Variants in FANCA observed in about 807,000 individuals in gnomAD.
The protein encoded by FANCA is FA complementation group A.
A neutral mutation model predicts 194.3 loss-of-function variants in FANCA; 236 were observed. The observed-to-expected ratio is 1.21, with a 90% confidence interval of 1.09 to 1.35. FANCA has a LOEUF of 1.35. FANCA is among the 40% of genes most tolerant of loss of function. The pLI is 0.00. For missense variants in FANCA, 2,628 were observed against 1,813.9 expected (o/e 1.45, Z -8.15); for synonymous variants, 1,014 against 715.8 (o/e 1.42, Z -6.65).
At position 89,740,004 on chromosome 16, in the gene FANCA, C is replaced by A. The variant is rs775127240; in HGVS notation, c.3924G>T (p.Leu1308Phe). ...RKISWLALFQ[L>F]TESDLRLGRL... ...CAGCGTGTTTCTTACCACTCTCTGT[C>A]AACTGAAAGAGTGCCAGCCAGGATA... Residue 1308 changes from leucine to phenylalanine, a missense_variant, in exon 39 of 43, where the codon TTG becomes TTT. Transcript: ENST00000389301. The A allele has an allele frequency of 6.2e-7, 1 of 1,614,154 alleles. No homozygotes were observed. The highest frequency in any genetic ancestry group is 2.2e-5 in the East Asian group (1 of 44,880).
rs1233053600 is a variant in FANCA, at chr16:89,791,463, A to C, written c.1299T>G (p.Val433=). The stretch of plus-strand genomic sequence containing the variant: ...GGCCCTCCAGTGCTGCCTGGCGCAC[A>C]ACCAGGAACGCAGTGACCATGCTGT... ...QLDSMVTAFL[V]VRQAALEGPS... is the part of the protein sequence containing the mutation. The change falls in exon 14 of 43, where the codon GTT becomes GTG. Residue 433 remains valine, a synonymous_variant. Coordinates refer to ENST00000389301, the MANE Select transcript of FANCA (RefSeq NM_000135.4). 1 of 1,614,178 alleles carries C rather than the reference A, an allele frequency of 6.2e-7. No homozygotes were observed. The highest frequency in any genetic ancestry group is 1.3e-5 in the African/African-American group (1 of 75,062).
intron 13 of FANCA, 125 bp downstream of exon 13, chr16:89,791,802 C>T: frequency 2.4e-6 from 3 of 1,262,034 alleles, no homozygotes; most frequent in Non-Finnish European, 3.4e-6. Flanking sequence ...ACAGGAGGCA[C>T]TGCAGGTTCC....
intron 1 of FANCA, 85 bp downstream of exon 1, chr16:89,816,452 G>C: frequency 8.2e-7 from 1 of 1,225,984 alleles, no homozygotes; most frequent in Non-Finnish European, 1.1e-6. Context: ...ACCGGCGGAG[G>C]CTCTGGCGGG....
chr16:89,815,460 A>G (rs1384963226), intron 2 of FANCA, among the ~76,000 whole-genome samples: 1 of 145,990 alleles, frequency 6.8e-6, no homozygotes, highest in African/African-American at 2.6e-5. Flanking sequence ...GGTTCAAGCA[A>G]TTCTCCTGCC....
In FANCA at chr16:89,747,152, G is replaced by A. The variant is rs17233581; in HGVS notation, c.3349-262C>T. On this transcript the variant is annotated intron_variant, in intron 33 of 42. Coordinates refer to ENST00000389301, the MANE Select transcript of FANCA (RefSeq NM_000135.4). The stretch of plus-strand genomic sequence containing the variant: ...CTTGTAGGCTCCAGGAAGAAGCCAG[G>A]GAGGCACAAGCAGCCGCAGGGAAGG... 4.6e-3 allele frequency among the ~76,000 whole-genome samples: 702 copies of A among 152,268 alleles called. 2 individuals carry two copies. Among genetic ancestry groups the A allele is most frequent in the African/African-American group, 0.016 (668 of 41,550 alleles).
intron 10 of FANCA, 112 bp downstream of exon 10, chr16:89,799,054 G>A (rs761214451): frequency 1.2e-6 from 2 of 1,614,236 alleles, no homozygotes; most frequent in Non-Finnish European, 1.7e-6. Context: ...CAGAGGAAGT[G>A]TGCTCAGGAG....
rs1213920786 is a variant in FANCA, at chr16:89,749,922, T to G, written c.3067-20A>C. 4 of 1,613,498 alleles carry G rather than the reference T, an allele frequency of 2.5e-6. No individual in the cohort carries two copies. In the East Asian group the frequency reaches 8.9e-5, roughly 36 times the overall value. On this transcript the variant is annotated intron_variant, in intron 31 of 42. Transcript: ENST00000389301. ...CATCTCCTGAAAAAGAGCAGTATGC[T>G]GGCACAGGAAGGCCTCGGGGCTCAC...
intron 36 of FANCA, 59 bp downstream of exon 36, chr16:89,744,900 T>A: frequency 6.7e-7 from 1 of 1,487,882 alleles, no homozygotes; most frequent in Non-Finnish European, 9.3e-7. Flanking sequence ...GGAGATGACC[T>A]TGAGCAGGTC....
chr16:89,778,657 AGTAACCAACC>A, intron 20 of FANCA, 134 bp downstream of exon 20: 1 of 579,108 alleles, frequency 1.7e-6, no homozygotes, highest in Non-Finnish European at 2.9e-6. Flanking sequence ...AAAAAAAAAA[AGTAACCAACC>A]AATTTTGGAG....
chr16:89,801,879 C>G (rs2040467142), intron 8 of FANCA, among the ~76,000 whole-genome samples: 1 of 151,734 alleles, frequency 6.6e-6, no homozygotes, highest in Admixed American at 6.6e-5. Context: ...CAGAGAGAGA[C>G]ACCGTCTCAA....
intron 29 of FANCA, among the ~76,000 whole-genome samples, chr16:89,759,318 T>TTTA (rs1224981781): frequency 1.3e-5 from 1 of 75,180 alleles, no homozygotes; most frequent in East Asian, 3.3e-4. Flanking sequence ...AGACTCCGTC[T>TTTA]AAAAAAAAAA....
rs2143677672 is a variant in FANCA at position 89,810,771 on chromosome 16, T to C, written c.458A>G (p.Gln153Arg). ...GAACATACTGTGTGCCAATAAATAC[T>C]GAGCAAACTCTAACAGGGAAGACAG... is the stretch of plus-strand genomic sequence containing the variant. ...KKLSSLLEFAQYLLAHSMFSR... is the reference protein window; with the variant it reads ...KKLSSLLEFARYLLAHSMFSR... Residue 153 changes from glutamine to arginine, a missense_variant, in exon 5 of 43, where the codon CAG (glutamine) becomes CGG (arginine). Transcript: ENST00000389301. 2 of 1,613,794 alleles carry C rather than the reference T, an allele frequency of 1.2e-6. No homozygotes were observed. Among genetic ancestry groups the C allele is most frequent in the Non-Finnish European group, 8.5e-7 (1 of 1,179,616 alleles).
At chr16:89,803,405 A>G in intron 7 of FANCA, 64 bp from the exon 8 acceptor site, 1 of 1,437,198 alleles carries the variant, frequency 7.0e-7, no homozygotes. Flanking sequence ...TGTGAATGGC[A>G]CAGACCATCC....
In FANCA at chr16:89,773,261, C is replaced by A. The variant is rs1567620967; in HGVS notation, c.2014+10G>T. 6.5e-7 allele frequency: 1 copy of A among 1,542,968 alleles called. No individual in the cohort carries two copies. The highest frequency in any genetic ancestry group is 8.8e-7 in the Non-Finnish European group (1 of 1,140,118). On this transcript the variant is annotated intron_variant, in intron 22 of 42. Transcript: ENST00000389301. Reference sequence around the variant, plus strand: ...CATGAGACACAGCATGAGCTCCCATCCATCCTCACCATCACGCTGGCTGGG... The same window carrying A: ...CATGAGACACAGCATGAGCTCCCATACATCCTCACCATCACGCTGGCTGGG...
intron 22 of FANCA, among the ~76,000 whole-genome samples, 164 bp from the exon 23 acceptor site, chr16:89,771,978 G>A (rs1241526411): frequency 1.3e-5 from 2 of 152,208 alleles, no homozygotes; most frequent in Admixed American, 6.5e-5. Context: ...CGCCCCGCAG[G>A]ATTTGCAGCC....
intron 2 of FANCA, among the ~76,000 whole-genome samples, chr16:89,815,164 G>C (rs1201675240): frequency 6.6e-6 from 1 of 151,768 alleles, no homozygotes; most frequent in Non-Finnish European, 1.5e-5. Flanking sequence ...AGCCTCCTGA[G>C]CAGCTGGGAT....
Position 89,775,766 on chromosome 16 carries a change from A to G in FANCA, c.1876T>C (p.Ser626Pro), listed in dbSNP as rs767925383. 2 of 1,612,812 alleles carry G rather than the reference A, an allele frequency of 1.2e-6. No homozygotes were observed. Among genetic ancestry groups the G allele is most frequent in the African/African-American group, 2.7e-5 (2 of 74,906 alleles). Residue 626 changes from serine to proline, a missense_variant, in exon 21 of 43, where the codon TCT (serine) becomes CCT (proline). By Grantham distance (74) the Ser-to-Pro change is moderately conservative. Transcript: ENST00000389301. ...SLYSTYCQAC[S>P]AAEEKPEDAA... is the part of the protein sequence containing the mutation. ...CCTTCTGGCTTCTCTTCAGCAGCAG[A>G]GCAGGCCTGGCAGTAGGTGGAGTAC...
At chr16:89,746,563 C>A (rs2038397183) in intron 35 of FANCA, 21 bp downstream of exon 35, 2 of 1,606,820 alleles carry the variant, frequency 1.2e-6, no homozygotes, top group South Asian at 1.1e-5. Context: ...AACAAAACAC[C>A]AAACAAGACA....
At chr16:89,800,744 A>G (rs987148584) in intron 8 of FANCA, among the ~76,000 whole-genome samples, 8 of 152,214 alleles carry the variant, frequency 5.3e-5, no homozygotes, top group Non-Finnish European at 2.9e-5. Flanking sequence ...GAGAACCCAG[A>G]AACAGGCCGG....
Sources: allele counts gnomAD v4.1 joint callset (sites outside exome capture counted in the v4.1 genomes callset), GRCh38; gene constraint gnomAD v4.1.1; transcripts MANE v1.5; gene names NCBI Gene and HGNC (gene_info 2026-07-23, HGNC 2026-07-21).